The following TAFA4 variants were observed in gnomAD, a reference collection of about 807,000 sequenced individuals.
TAFA4 encodes chemokine-like protein TAFA-4.
In TAFA4, 20 loss-of-function variants were observed where a neutral mutation model predicts 21.1. That is an observed-to-expected ratio of 0.95 (90% CI 0.67 to 1.38). The LOEUF (loss-of-function observed/expected upper bound fraction) is 1.38. Ranked by LOEUF, TAFA4 falls within the 40% of genes most tolerant of loss-of-function variation. TAFA4 has a pLI of 0.00. For missense variants in TAFA4, 211 were observed against 180.9 expected (o/e 1.17, Z -0.95); for synonymous variants, 71 against 67.4 (o/e 1.05, Z -0.26).
At chr3:68,871,943 A>T (rs2089487547) in intron 3 of TAFA4, among the ~76,000 whole-genome samples, 1 of 152,124 alleles carries the variant, frequency 6.6e-6, no homozygotes, top group Non-Finnish European at 1.5e-5. Flanking sequence ...ACACTCATAC[A>T]TCATTGGGGG....
chr3:68,904,439 CT>C (rs1282087487), intron 1 of TAFA4, among the ~76,000 whole-genome samples: 1 of 152,180 alleles, frequency 6.6e-6, no homozygotes, highest in Non-Finnish European at 1.5e-5. Context: ...ACAAAGAGAT[CT>C]TTGTCATTAT....
intron 3 of TAFA4, among the ~76,000 whole-genome samples, chr3:68,877,315 C>T (rs369313692): frequency 5.9e-4 from 90 of 152,114 alleles, no homozygotes; most frequent in African/African-American, 2.1e-3. Context: ...GCCGAGACTG[C>T]GCCACTGCAC....
chr3:68,874,086 C>T (rs1438877564), intron 3 of TAFA4, among the ~76,000 whole-genome samples: 1 of 152,004 alleles, frequency 6.6e-6, no homozygotes, highest in Non-Finnish European at 1.5e-5. Context: ...TCCCCAACAG[C>T]TAAGAAAAAA....
intron 1 of TAFA4, among the ~76,000 whole-genome samples, chr3:68,910,830 A>G (rs1406853202): frequency 3.3e-5 from 5 of 152,224 alleles, no homozygotes; most frequent in Non-Finnish European, 7.3e-5. Flanking sequence ...TCTCATGTGC[A>G]ATCAGATTCC....
rs1260505475 is a variant in TAFA4, at chr3:68,732,082, A to G, written c.*1060T>C. Reference sequence around the variant, plus strand: ...GTCAGTCATTCTTCATCTGTTTCATACGTTTCCGCATGACAGCATTTGAGA... The same window carrying G: ...GTCAGTCATTCTTCATCTGTTTCATGCGTTTCCGCATGACAGCATTTGAGA... On this transcript the variant is annotated 3_prime_UTR_variant, in exon 6 of 6. Coordinates refer to ENST00000295569, the MANE Select transcript of TAFA4 (RefSeq NM_182522.5). 1 of 152,586 alleles carries G rather than the reference A, an allele frequency of 6.6e-6. No individual in the cohort carries two copies. The highest frequency in any genetic ancestry group is 1.5e-5 in the Non-Finnish European group (1 of 68,014). The allele number at this position is 152,586 out of a possible 1,614,324, so 9.5% of individuals were successfully genotyped here.
intron 1 of TAFA4, among the ~76,000 whole-genome samples, chr3:68,908,898 G>C (rs952264711): frequency 2.0e-5 from 3 of 152,052 alleles, no homozygotes; most frequent in Admixed American, 6.6e-5. Context: ...AGCATCCATG[G>C]CCCAGATGGT....
chr3:68,790,077 G>C (rs1161434067), intron 3 of TAFA4, among the ~76,000 whole-genome samples: 1 of 152,088 alleles, frequency 6.6e-6, no homozygotes, highest in Non-Finnish European at 1.5e-5. Flanking sequence ...ACTGTTGAAA[G>C]CAAAAATTAT....
chr3:68,829,745 A>G (rs2106876290), intron 3 of TAFA4, among the ~76,000 whole-genome samples: 1 of 152,336 alleles, frequency 6.6e-6, no homozygotes, highest in East Asian at 1.9e-4. Context: ...ATTGATTGAA[A>G]TAGTTTCACA....
chr3:68,833,092 C>T (rs1239461556), intron 3 of TAFA4, among the ~76,000 whole-genome samples: 11 of 152,216 alleles, frequency 7.2e-5, no homozygotes, highest in Admixed American at 6.5e-4. Flanking sequence ...GTGTACCATT[C>T]CTCCAGGTAT....
At chr3:68,809,805 G>A (rs1559528368) in intron 3 of TAFA4, among the ~76,000 whole-genome samples, 1 of 152,132 alleles carries the variant, frequency 6.6e-6, no homozygotes, top group Non-Finnish European at 1.5e-5. Flanking sequence ...CATTTATTGA[G>A]AGATTGCCCT....
At chr3:68,737,206 T>G (rs1702258195) in intron 5 of TAFA4, among the ~76,000 whole-genome samples, 1 of 152,176 alleles carries the variant, frequency 6.6e-6, no homozygotes, top group East Asian at 1.9e-4. Flanking sequence ...TGTAATACCC[T>G]AATTCGTGGG....
intron 3 of TAFA4, among the ~76,000 whole-genome samples, chr3:68,862,395 C>A (rs1005974704): frequency 6.6e-6 from 1 of 152,092 alleles, no homozygotes. Context: ...AGGGTGATTG[C>A]GGGTAGACAG....
At chr3:68,786,189 G>A (rs1326167506) in intron 3 of TAFA4, among the ~76,000 whole-genome samples, 4 of 152,108 alleles carry the variant, frequency 2.6e-5, no homozygotes, top group Non-Finnish European at 5.9e-5. Flanking sequence ...GAAAAGTACT[G>A]GAGGACACCA....
At chr3:68,915,226 A>G (rs1336094490) in intron 1 of TAFA4, among the ~76,000 whole-genome samples, 1 of 152,210 alleles carries the variant, frequency 6.6e-6, no homozygotes, top group Non-Finnish European at 1.5e-5. Flanking sequence ...GTGAGTGTCT[A>G]AGCTCTGAGT....
chr3:68,788,287 C>A (rs1703298240), intron 3 of TAFA4, among the ~76,000 whole-genome samples: 1 of 152,158 alleles, frequency 6.6e-6, no homozygotes, highest in African/African-American at 2.4e-5. Flanking sequence ...ATGCCAATCA[C>A]CTCTGCCTCA....
intron 1 of TAFA4, among the ~76,000 whole-genome samples, chr3:68,890,693 C>T (rs1286700303): frequency 6.6e-6 from 1 of 152,158 alleles, no homozygotes; most frequent in East Asian, 1.9e-4. Context: ...TGTCTGGTAC[C>T]AAGGTACCTA....
chr3:68,770,324 TG>T (rs1224996995), intron 3 of TAFA4, among the ~76,000 whole-genome samples: 1 of 152,176 alleles, frequency 6.6e-6, no homozygotes, highest in African/African-American at 2.4e-5. Flanking sequence ...TAGAAAAGTT[TG>T]TGACAGCTCA....
intron 3 of TAFA4, among the ~76,000 whole-genome samples, chr3:68,834,075 G>A (rs537427103): frequency 2.6e-5 from 4 of 152,298 alleles, no homozygotes; most frequent in South Asian, 4.1e-4. Flanking sequence ...GAGCCCCTCC[G>A]TAAAGTAAGA....
At chr3:68,883,873 G>A (rs1407434412) in intron 2 of TAFA4, among the ~76,000 whole-genome samples, 1 of 152,016 alleles carries the variant, frequency 6.6e-6, no homozygotes, top group African/African-American at 2.4e-5. Context: ...TTCAAGGCAG[G>A]AGCGAGCTAT....
Sources: allele counts gnomAD v4.1 joint callset (sites outside exome capture counted in the v4.1 genomes callset), GRCh38; gene constraint gnomAD v4.1.1; transcripts MANE v1.5; gene names NCBI Gene and HGNC (gene_info 2026-07-23, HGNC 2026-07-21).